SBF2: variants seen among roughly 807,000 people sequenced by gnomAD.
SBF2 encodes the protein SET binding factor 2.
SBF2 carries 112 observed loss-of-function variants against 225.2 expected under a neutral mutation model. The ratio of observed to expected loss-of-function variants is 0.50; its 90% confidence interval spans 0.43 to 0.58. The LOEUF is 0.58. Ranked by LOEUF, SBF2 falls within the 20% of genes least tolerant of loss-of-function variation. The probability of loss-of-function intolerance (pLI) is 0.00; values close to 1 mark genes in which losing one functional copy is unlikely to be tolerated. For synonymous variants in SBF2, 763 were observed against 773.3 expected (o/e 0.99, Z 0.22); for missense variants, 1,996 against 2,206.2 (o/e 0.90, Z 1.91).
chr11:9,982,469 AT>A (rs532931093), intron 13 of SBF2, among the ~76,000 whole-genome samples: 91 of 152,318 alleles, frequency 6.0e-4, no homozygotes, highest in African/African-American at 2.1e-3. Context: ...ATAATTTACA[AT>A]CCAGAGCAAA....
intron 16 of SBF2, among the ~76,000 whole-genome samples, chr11:9,914,129 A>T (rs1338191550): frequency 6.6e-6 from 1 of 152,228 alleles, no homozygotes; most frequent in Non-Finnish European, 1.5e-5. Flanking sequence ...TTAGATATGG[A>T]GGTATGTTGA....
chr11:10,166,989 A>AC (rs34539770), intron 2 of SBF2, among the ~76,000 whole-genome samples: 14,465 of 151,284 alleles, frequency 0.096, 958 homozygotes, highest in East Asian at 0.27. Context: ...ACACACACAC[A>AC]AAAAGGCTAC....
intron 1 of SBF2, among the ~76,000 whole-genome samples, chr11:10,291,471 T>C (rs1964152460): frequency 6.6e-6 from 1 of 152,186 alleles, no homozygotes. Flanking sequence ...ATTTTTGTTA[T>C]AACAGCCCGA....
At chr11:9,947,529 T>C (rs1009796236) in intron 16 of SBF2, among the ~76,000 whole-genome samples, 1 of 152,242 alleles carries the variant, frequency 6.6e-6, no homozygotes, top group Non-Finnish European at 1.5e-5. Context: ...TCAATTTAGC[T>C]AAGCTGGTAC....
intron 2 of SBF2, among the ~76,000 whole-genome samples, chr11:10,067,568 C>CA (rs1337732561): frequency 1.3e-5 from 2 of 151,776 alleles, no homozygotes; most frequent in South Asian, 2.1e-4. Flanking sequence ...AAAAACAAAA[C>CA]AAAAAAATGC....
At chr11:9,933,629 G>T (rs1864666430) in intron 16 of SBF2, among the ~76,000 whole-genome samples, 1 of 152,080 alleles carries the variant, frequency 6.6e-6, no homozygotes, top group Non-Finnish European at 1.5e-5. Context: ...AAGACACAAC[G>T]TATCAGAATC....
At chr11:10,094,646 G>A (rs1347741893) in intron 2 of SBF2, among the ~76,000 whole-genome samples, 1 of 150,272 alleles carries the variant, frequency 6.7e-6, no homozygotes, top group Admixed American at 6.7e-5. Flanking sequence ...GGGATTACAG[G>A]TGCCCGCCAC....
intron 16 of SBF2, among the ~76,000 whole-genome samples, chr11:9,906,110 C>T (rs1862095435): frequency 6.6e-6 from 1 of 152,282 alleles, no homozygotes; most frequent in Non-Finnish European, 1.5e-5. Context: ...TAGGACACTG[C>T]TATGCACAAG....
chr11:10,277,627 T>G (rs1351155045), intron 1 of SBF2, among the ~76,000 whole-genome samples: 1 of 152,170 alleles, frequency 6.6e-6, no homozygotes, highest in Non-Finnish European at 1.5e-5. Flanking sequence ...GCAGATATAG[T>G]TAAGGATCTT....
intron 13 of SBF2, among the ~76,000 whole-genome samples, chr11:9,970,239 CT>C (rs1867240482): frequency 6.6e-6 from 1 of 151,082 alleles, no homozygotes; most frequent in African/African-American, 2.4e-5. Context: ...CGCAGTCTTG[CT>C]CTGTCGCCCA....
At chr11:9,842,810 A>G (rs1198904550) in intron 24 of SBF2, 40 bp from the exon 25 acceptor site, 14 of 1,604,622 alleles carry the variant, frequency 8.7e-6, no homozygotes, top group African/African-American at 1.3e-5. Flanking sequence ...AACTTAATAT[A>G]AAAGCACTAC....
At chr11:9,915,945 C>A (rs1377581018) in intron 16 of SBF2, among the ~76,000 whole-genome samples, 1 of 151,920 alleles carries the variant, frequency 6.6e-6, no homozygotes, top group African/African-American at 2.4e-5. Context: ...GCACCTGTAA[C>A]CCCAGCTACT....
At chr11:9,805,807 A>G (rs1310002489) in intron 32 of SBF2, among the ~76,000 whole-genome samples, 1 of 151,998 alleles carries the variant, frequency 6.6e-6, no homozygotes, top group Non-Finnish European at 1.5e-5. Context: ...TATTTTTAGT[A>G]GAGATGGGGT....
chr11:10,267,766 G>C (rs1194799646), intron 1 of SBF2, among the ~76,000 whole-genome samples: 4 of 152,124 alleles, frequency 2.6e-5, no homozygotes, highest in Non-Finnish European at 4.4e-5. Flanking sequence ...CACACAATCT[G>C]AACAGTAGCA....
chr11:10,077,115 T>C lies in SBF2; in HGVS notation c.142-34134A>G, dbSNP rs183502610. Among the ~76,000 whole-genome samples the C allele has an allele frequency of 3.8e-3, 577 of 152,014 alleles. 4 individuals carry two copies. The highest frequency in any genetic ancestry group is 5.2e-3 in the South Asian group (25 of 4,794). On this transcript the variant is annotated intron_variant, in intron 2 of 39. Coordinates refer to ENST00000256190, the MANE Select transcript of SBF2 (RefSeq NM_030962.4). Reference sequence around the variant, plus strand: ...CTTATTACATTATCTGTTGATAAAATTGCATGGGGTTTGACCACTGCTCAA... The same window carrying C: ...CTTATTACATTATCTGTTGATAAAACTGCATGGGGTTTGACCACTGCTCAA...
At chr11:10,111,302 T>G (rs954845524) in intron 2 of SBF2, among the ~76,000 whole-genome samples, 1 of 152,198 alleles carries the variant, frequency 6.6e-6, no homozygotes, top group Non-Finnish European at 1.5e-5. Context: ...AAATAATTAC[T>G]TTTTAATTTA....
intron 16 of SBF2, among the ~76,000 whole-genome samples, chr11:9,953,104 T>G (rs1414626425): frequency 6.6e-6 from 1 of 152,176 alleles, no homozygotes; most frequent in Non-Finnish European, 1.5e-5. Context: ...ATTGCAAAAA[T>G]GCGGAGCCAA....
At chr11:9,788,617 C>T (rs1852528808) in intron 35 of SBF2, among the ~76,000 whole-genome samples, 4 of 138,216 alleles carry the variant, frequency 2.9e-5, no homozygotes, top group East Asian at 2.1e-4. Context: ...TTTACTGAGA[C>T]GGAGTCTTGC....
intron 21 of SBF2, 151 bp from the exon 22 acceptor site, chr11:9,850,369 C>T: frequency 1.3e-6 from 1 of 745,804 alleles, no homozygotes; most frequent in South Asian, 1.5e-5. Flanking sequence ...GATCCTCTGA[C>T]CTCAGCCTCC....
Sources: allele counts gnomAD v4.1 joint callset (sites outside exome capture counted in the v4.1 genomes callset), GRCh38; gene constraint gnomAD v4.1.1; transcripts MANE v1.5; gene names NCBI Gene and HGNC (gene_info 2026-07-23, HGNC 2026-07-21).